Variants in FRY observed in about 807,000 individuals in gnomAD.
The protein encoded by FRY is protein furry homolog.
A neutral mutation model predicts 348.4 loss-of-function variants in FRY; 128 were observed. The ratio of observed to expected loss-of-function variants is 0.37; its 90% CI spans 0.32 to 0.43. The LOEUF is 0.43. FRY is among the 20% of genes least tolerant of loss of function. FRY has a pLI of 1.00. For synonymous variants in FRY, 1,370 were observed against 1,374.7 expected, an observed-to-expected ratio of 1.00 and a Z score of 0.08; for missense variants, 2,736 against 3,695.2, an observed-to-expected ratio of 0.74 and a Z score of 6.73.
In FRY at chr13:32,262,485, T is replaced by C; in HGVS notation, c.7779+10T>C. 1 of 1,606,740 alleles carries C rather than the reference T, an allele frequency of 6.2e-7. No homozygotes were observed. The highest frequency in any genetic ancestry group is 1.1e-5 in the South Asian group (1 of 90,902). ...TTCTGAGGGTTCAAAGGTGAAGAGA[T>C]TTTAACAATGATGATTTGTACTTCC... On this transcript the variant is annotated intron_variant, in intron 53 of 60. Coordinates refer to ENST00000542859, the MANE Select transcript of FRY (RefSeq NM_023037.3).
chr13:32,062,533 T>C (rs1398700501), intron 1 of FRY, among the ~76,000 whole-genome samples: 3 of 152,200 alleles, frequency 2.0e-5, no homozygotes, highest in African/African-American at 7.2e-5. Flanking sequence ...TTGGTAGATT[T>C]ATTACCATCT....
intron 2 of FRY, among the ~76,000 whole-genome samples, chr13:32,089,753 C>A (rs1239155456): frequency 6.7e-6 from 1 of 148,956 alleles, no homozygotes; most frequent in East Asian, 2.1e-4. Flanking sequence ...AGAGTGAGAC[C>A]TTGTCTCCAA....
At position 32,254,716 on chromosome 13, in the gene FRY, A is replaced by T. The variant is rs961924781; in HGVS notation, c.7416+322A>T. On this transcript the variant is annotated intron_variant, in intron 51 of 60. Transcript: ENST00000542859. Reference sequence around the variant, plus strand: ...AAAAAAAAATCACAAAAAACATTTCAGTTCTTAGCCTGTTCACTGGTACCT... The same window carrying T: ...AAAAAAAAATCACAAAAAACATTTCTGTTCTTAGCCTGTTCACTGGTACCT... Among the ~76,000 whole-genome samples the T allele has an allele frequency of 2.0e-5, 3 of 152,210 alleles. No homozygotes were observed. In the East Asian group the frequency reaches 5.8e-4, roughly 29 times the overall value.
rs1219491963 is a variant in FRY, at chr13:32,194,340, G to A, written c.3746+43G>A. ...CAGTGATGAGTGGCAAGTATGTTTA[G>A]GGTTACTTTTTGTGATATGAATGAC... On this transcript the variant is annotated intron_variant, in intron 29 of 60. Coordinates refer to ENST00000542859, the MANE Select transcript of FRY (RefSeq NM_023037.3). 5.7e-6 allele frequency: 9 copies of A among 1,578,932 alleles called. No homozygotes were observed. In the South Asian group the frequency reaches 8.8e-5, roughly 16 times the overall value.
chr13:32,274,509 C>A (rs551694856), intron 55 of FRY, among the ~76,000 whole-genome samples: 1 of 151,700 alleles, frequency 6.6e-6, no homozygotes, highest in Non-Finnish European at 1.5e-5. Context: ...TCGAGACCAT[C>A]CTGGCTAACA....
At chr13:32,033,548 C>A (rs539431749) in intron 1 of FRY, among the ~76,000 whole-genome samples, 1 of 152,224 alleles carries the variant, frequency 6.6e-6, no homozygotes, top group African/African-American at 2.4e-5. Flanking sequence ...CCTTCCTAAA[C>A]TCCTCTCCCC....
intron 49 of FRY, among the ~76,000 whole-genome samples, chr13:32,250,436 A>G (rs1002421190): frequency 2.0e-5 from 3 of 152,142 alleles, no homozygotes; most frequent in African/African-American, 7.2e-5. Context: ...CCTTCCCAAC[A>G]TCTTGGCCCT....
At chr13:32,102,446 G>A (rs757577791) in intron 3 of FRY, among the ~76,000 whole-genome samples, 3 of 152,116 alleles carry the variant, frequency 2.0e-5, no homozygotes, top group East Asian at 3.9e-4. Context: ...TTTGCTTGAC[G>A]CTGTGCTAGG....
intron 1 of FRY, among the ~76,000 whole-genome samples, chr13:32,075,875 C>A (rs756751498): frequency 2.0e-5 from 3 of 152,192 alleles, no homozygotes; most frequent in African/African-American, 4.8e-5. Context: ...TGACACCCCA[C>A]CTTGAATCAT....
chr13:32,102,147 T>C, intron 3 of FRY, 131 bp downstream of exon 3: 2 of 676,704 alleles, frequency 3.0e-6, no homozygotes, highest in Non-Finnish European at 2.7e-6. Flanking sequence ...TCTTAAGAAC[T>C]GTACCCTGCA....
At position 32,124,458 on chromosome 13, in the gene FRY, A is replaced by T. The variant is rs188155817; in HGVS notation, c.555+82A>T. On this transcript the variant is annotated intron_variant, in intron 5 of 60. Transcript: ENST00000542859. Reference sequence around the variant, plus strand: ...TAGGTTGTAAAAGTCTAAGTTTTTAAAATTATTTCTGAATTCCAAATACTG... The same window carrying T: ...TAGGTTGTAAAAGTCTAAGTTTTTATAATTATTTCTGAATTCCAAATACTG... 1.4e-3 allele frequency: 1,271 copies of T among 929,726 alleles called. 2 individuals are homozygous for T. Among genetic ancestry groups the T allele is most frequent in the Non-Finnish European group, 1.5e-3 (874 of 589,970 alleles). The allele number at this position is 929,726 out of a possible 1,614,324, so 57.6% of individuals were successfully genotyped here.
chr13:32,209,970 CTATTGA>C (rs890474473), intron 33 of FRY, among the ~76,000 whole-genome samples: 4 of 152,196 alleles, frequency 2.6e-5, no homozygotes, highest in African/African-American at 9.7e-5. Context: ...ACGCAGAAAC[CTATTGA>C]TATAGCAGGT....
intron 4 of FRY, among the ~76,000 whole-genome samples, chr13:32,119,669 A>G (rs570043919): frequency 6.6e-6 from 1 of 152,214 alleles, no homozygotes; most frequent in South Asian, 2.1e-4. Flanking sequence ...CTTATTCTAT[A>G]ATATAATGGA....
rs138175815 is a variant in FRY at position 32,185,213 on chromosome 13, G to A, written c.3319+65G>A. On this transcript the variant is annotated intron_variant, in intron 26 of 60. Transcript: ENST00000542859. ...GAAGCCCATTCGTGTTCTTTATTAC[G>A]GTGCTTTCGTCTTTAACCCTACTGG... 1.5e-3 allele frequency: 2,204 copies of A among 1,441,180 alleles called. 4 individuals carry two copies. The highest frequency in any genetic ancestry group is 1.8e-3 in the Non-Finnish European group (1,855 of 1,026,442). 89.3% of individuals were successfully genotyped at this position (1,441,180 alleles called of 1,614,324 possible). A position where few individuals can be genotyped will look rare whatever the true frequency, so the allele number is the denominator to read the frequency against.
At chr13:32,180,925 C>G (rs1338437558) in intron 23 of FRY, among the ~76,000 whole-genome samples, 2 of 152,116 alleles carry the variant, frequency 1.3e-5, no homozygotes, top group East Asian at 1.9e-4. Flanking sequence ...GAGTCTCGCT[C>G]TGTCACCCAA....
chr13:32,046,041 A>C (rs1164498656), intron 1 of FRY, among the ~76,000 whole-genome samples: 1 of 152,226 alleles, frequency 6.6e-6, no homozygotes, highest in Non-Finnish European at 1.5e-5. Context: ...CTCGTACACA[A>C]AACAACAGCC....
In FRY at chr13:32,149,779, T is replaced by C. The variant is rs1293839263; in HGVS notation, c.1424T>C (p.Ile475Thr). The C allele has an allele frequency of 1.2e-6, 2 of 1,609,864 alleles. No individual in the cohort carries two copies. The highest frequency in any genetic ancestry group is 1.7e-6 in the Non-Finnish European group (2 of 1,176,098). The change falls in exon 14 of 61, where the codon ATT (isoleucine) becomes ACT (threonine). Residue 475 changes from isoleucine (I) to threonine (T), a missense_variant. Coordinates refer to ENST00000542859, the MANE Select transcript of FRY (RefSeq NM_023037.3). ...ERLDFAMKEI[I>T]FDFLCVGKPA... is the part of the protein sequence containing the mutation. ...TTAGATTTTGCAATGAAAGAAATCA[T>C]TTTCGATTTTCTTTGTGTGGGAAAA...
chr13:32,282,924 C>T (rs1328426078), intron 58 of FRY, among the ~76,000 whole-genome samples: 3 of 152,048 alleles, frequency 2.0e-5, no homozygotes, highest in Admixed American at 6.5e-5. Context: ...AGGTGGATCA[C>T]GAGGTCAGGA....
chr13:32,088,572 A>G (rs1876042995), intron 2 of FRY, among the ~76,000 whole-genome samples: 1 of 152,358 alleles, frequency 6.6e-6, no homozygotes, highest in Non-Finnish European at 1.5e-5. Flanking sequence ...TGTTTTCTTT[A>G]TCATGAGTAT....
Sources: gnomAD v4.1 joint callset for allele counts (sites outside exome capture counted in the v4.1 genomes callset) on GRCh38, gnomAD v4.1.1 for gene constraint, MANE v1.5 for transcripts, NCBI Gene and HGNC (gene_info 2026-07-23, HGNC 2026-07-21) for gene names.